AGAP3: variants seen among roughly 807,000 people sequenced by gnomAD.
AGAP3 encodes arf-GAP with GTPase, ANK repeat and PH domain-containing protein 3.
In AGAP3, 24 loss-of-function variants were observed where a neutral mutation model predicts 96.9. The ratio of observed to expected loss-of-function variants is 0.25; its 90% CI spans 0.18 to 0.35. The LOEUF is 0.35. Ranked by LOEUF, AGAP3 falls within the 10% of genes least tolerant of loss-of-function variation. The pLI is 1.00. For missense variants in AGAP3, 876 were observed against 1,254.2 expected, an observed-to-expected ratio of 0.70 and a Z score of 4.55; for synonymous variants, 563 against 536.1, an observed-to-expected ratio of 1.05 and a Z score of -0.69.
Position 151,097,218 on chromosome 7 carries a change from G to A in AGAP3, c.331+10146G>A, listed in dbSNP as rs1281358439. On this transcript the variant is annotated intron_variant, in intron 1 of 17. Coordinates refer to ENST00000397238, the MANE Select transcript of AGAP3 (RefSeq NM_031946.7). ...TATGTTGCTATAAAGAGACACCTGA[G>A]GCTGGATAATTTGTAAAGAAAAGAA... 2.0e-5 allele frequency among the ~76,000 whole-genome samples: 3 copies of A among 152,000 alleles called. No individual in the cohort carries two copies. In the East Asian group the frequency reaches 5.8e-4, roughly 29 times the overall value.
chr7:151,138,117 C>G (rs1202563277), intron 11 of AGAP3, 26 bp from the exon 12 acceptor site: 1 of 1,553,420 alleles, frequency 6.4e-7, no homozygotes, highest in South Asian at 1.2e-5. Flanking sequence ...GGCCTCCCTT[C>G]CCAGTCTGAC....
chr7:151,130,304 G>T (rs565361928), intron 10 of AGAP3, among the ~76,000 whole-genome samples: 1 of 152,276 alleles, frequency 6.6e-6, no homozygotes, highest in East Asian at 1.9e-4. Flanking sequence ...TGGGTTGTGG[G>T]GTTGGGCTGG....
chr7:151,134,361 C>G, intron 10 of AGAP3, 39 bp from the exon 11 acceptor site: 1 of 1,608,494 alleles, frequency 6.2e-7, no homozygotes, highest in Non-Finnish European at 8.5e-7. Context: ...GTGACTGCTG[C>G]TAACCAGTCT....
intron 1 of AGAP3, among the ~76,000 whole-genome samples, chr7:151,111,401 A>G (rs1799279200): frequency 6.6e-6 from 1 of 151,930 alleles, no homozygotes; most frequent in Non-Finnish European, 1.5e-5. Flanking sequence ...AAATCTGCCA[A>G]CTCCCTGTGG....
In AGAP3 at chr7:151,143,739, C is replaced by T. The variant is rs755113887; in HGVS notation, c.2532C>T (p.Tyr844=). ...TCAACATGTGTTTTCTCCTACAGTA[C>T]GGGGTGGACGTGAGGAGCCGGGACG... ...NVVFTQLLIW[Y]GVDVRSRDAR... The change falls in exon 18 of 18, where the codon TAC becomes TAT. Residue 844 remains tyrosine (Y), a splice_region_variant and synonymous_variant. Coordinates refer to ENST00000397238, the MANE Select transcript of AGAP3 (RefSeq NM_031946.7). This position sits in a 1 kb window ranked among gnomAD's most constrained non-coding sequence, Gnocchi z 5.9. 14 of 1,614,050 alleles carry T rather than the reference C, an allele frequency of 8.7e-6. No individual in the cohort carries two copies. The highest frequency in any genetic ancestry group is 2.2e-5 in the East Asian group (1 of 44,902).
rs377443205 is a variant in AGAP3 at position 151,141,857 on chromosome 7, G to A, written c.1805-41G>A. The A allele has an allele frequency of 3.3e-5, 53 of 1,613,182 alleles. No individual in the cohort carries two copies. The highest frequency in any genetic ancestry group is 2.5e-4 in the African/African-American group (19 of 75,012). On this transcript the variant is annotated intron_variant, in intron 13 of 17. Coordinates refer to ENST00000397238, the MANE Select transcript of AGAP3 (RefSeq NM_031946.7). This position sits in a 1 kb window ranked among gnomAD's most constrained non-coding sequence, Gnocchi z 4.2. The stretch of plus-strand genomic sequence containing the variant: ...GCGATAGCATGCCCTGGGTGTGCAC[G>A]CAGGCCAGGAGCCCTGATGGCATAA...
chr7:151,106,380 T>TGGA (rs1277792731), intron 1 of AGAP3, among the ~76,000 whole-genome samples: 1 of 152,176 alleles, frequency 6.6e-6, no homozygotes, highest in African/African-American at 2.4e-5. Context: ...TTGCCTAGGC[T>TGGA]GGAGGATAGT....
chr7:151,142,387 G>A lies in AGAP3; in HGVS notation c.2051-25G>A, dbSNP rs1414563285. The A allele has an allele frequency of 1.2e-6, 2 of 1,607,950 alleles. No homozygotes were observed. The highest frequency in any genetic ancestry group is 1.7e-6 in the Non-Finnish European group (2 of 1,175,336). On this transcript the variant is annotated intron_variant, in intron 15 of 17. Transcript: ENST00000397238. The surrounding 1 kb of genome is among the most constrained non-coding windows in gnomAD (Gnocchi z 7.5). ...CTCTGGTGGCCTGCCTGCTGTCGCTGTATCATTCTCCTCTCCTTGCCTAGA... is the reference window on the plus strand; with the variant it reads ...CTCTGGTGGCCTGCCTGCTGTCGCTATATCATTCTCCTCTCCTTGCCTAGA...
chr7:151,115,698 G>C (rs907588728), intron 1 of AGAP3: 1 of 1,068,770 alleles, frequency 9.4e-7, no homozygotes, highest in Non-Finnish European at 1.1e-6. Context: ...GAGAAAAGCC[G>C]GACGCGCCCA....
chr7:151,122,675 C>T (rs752657020), intron 8 of AGAP3: 48 of 1,609,048 alleles, frequency 3.0e-5, no homozygotes, highest in South Asian at 2.8e-4. Context: ...CCGACTTGTG[C>T]GGGGCTTGAG....
At position 151,143,845 on chromosome 7, in the gene AGAP3, C is replaced by T. The variant is rs775005955; in HGVS notation, c.2638C>T (p.Pro880Ser). ...CADILIQHGC[P>S]GEGCGLAPTP... ...AGACATCTTGATCCAGCATGGCTGC[C>T]CTGGGGAGGGCTGTGGCTTAGCGCC... The change falls in exon 18 of 18, where the codon CCT becomes TCT. Residue 880 changes from proline to serine, a missense_variant. Coordinates refer to ENST00000397238, the MANE Select transcript of AGAP3 (RefSeq NM_031946.7). This position sits in a 1 kb window ranked among gnomAD's most constrained non-coding sequence, Gnocchi z 5.9. 3 of 1,613,984 alleles carry T rather than the reference C, an allele frequency of 1.9e-6. No homozygotes were observed. Among genetic ancestry groups the T allele is most frequent in the Non-Finnish European group, 2.5e-6 (3 of 1,180,018 alleles).
intron 1 of AGAP3, among the ~76,000 whole-genome samples, chr7:151,111,209 G>A (rs1464058302): frequency 3.3e-5 from 5 of 152,154 alleles, no homozygotes; most frequent in South Asian, 2.1e-4. Context: ...CCTCAGCCCC[G>A]GCTGCAGGAA....
In AGAP3 at chr7:151,143,731, C is replaced by G; in HGVS notation, c.2530-6C>G. ...GCCAACTGTCAACATGTGTTTTCTC[C>G]TACAGTACGGGGTGGACGTGAGGAG... On this transcript the variant is annotated splice_polypyrimidine_tract_variant and splice_region_variant and intron_variant, in intron 17 of 17. Coordinates refer to ENST00000397238, the MANE Select transcript of AGAP3 (RefSeq NM_031946.7). The surrounding 1 kb of genome is among the most constrained non-coding windows in gnomAD (Gnocchi z 5.9). 1 of 1,614,178 alleles carries G rather than the reference C, an allele frequency of 6.2e-7. No individual in the cohort carries two copies. Among genetic ancestry groups the G allele is most frequent in the South Asian group, 1.1e-5 (1 of 91,076 alleles).
chr7:151,132,299 G>A (rs1207808455), intron 10 of AGAP3, among the ~76,000 whole-genome samples: 1 of 152,220 alleles, frequency 6.6e-6, no homozygotes, highest in African/African-American at 2.4e-5. Flanking sequence ...GTGGGAGGCT[G>A]CTCACTGATT....
In AGAP3 at chr7:151,128,605, A is replaced by G; in HGVS notation, c.1247A>G (p.Lys416Arg). Reference protein sequence around the residue: ...KQGILLKRSGKSLNKEWKKKY... With the variant: ...KQGILLKRSGRSLNKEWKKKY... ...GGGATCCTGCTAAAGCGGAGCGGCA[A>G]GTCCCTGAACAAGGAGTGGAAGAAG... The change falls in exon 10 of 18, where the codon AAG (lysine) becomes AGG (arginine). Residue 416 changes from lysine (K) to arginine (R), a missense_variant. Lys to Arg is a conservative substitution (Grantham distance 26, BLOSUM62 2). This residue lies in a region of AGAP3 where 63 missense variants were observed against 114.5 expected (regional missense o/e 0.55). Transcript: ENST00000397238. 6 of 1,613,794 alleles carry G rather than the reference A, an allele frequency of 3.7e-6. No individual in the cohort carries two copies. Among genetic ancestry groups the G allele is most frequent in the Non-Finnish European group, 5.1e-6 (6 of 1,179,902 alleles).
Position 151,120,001 on chromosome 7 carries a change from C to A in AGAP3, c.984C>A (p.Gly328=). The A allele has an allele frequency of 1.9e-6, 3 of 1,613,040 alleles. No individual in the cohort carries two copies. Among genetic ancestry groups the A allele is most frequent in the Non-Finnish European group, 1.7e-6 (2 of 1,179,832 alleles). The change falls in exon 8 of 18, where the codon GGC becomes GGA. Residue 328 remains glycine (G), a synonymous_variant. Coordinates refer to ENST00000397238, the MANE Select transcript of AGAP3 (RefSeq NM_031946.7). ...AVHINQATNG[G]GSAFSDYSSS... is the part of the protein sequence containing the mutation. The stretch of plus-strand genomic sequence containing the variant: ...TTTGTCCTTAGGCCACGAATGGCGG[C>A]GGCAGCGCCTTCAGCGACTACTCGT...
At position 151,114,627 on chromosome 7, in the gene AGAP3, G is replaced by A. The variant is rs1319231243; in HGVS notation, c.332-2166G>A. 6 of 795,546 alleles carry A rather than the reference G, an allele frequency of 7.5e-6. No homozygotes were observed. Among genetic ancestry groups the A allele is most frequent in the Middle Eastern group, 6.2e-4 (1 of 1,622 alleles). 49.3% of individuals were successfully genotyped at this position (795,546 alleles called of 1,614,324 possible). ...CTCTCCAGGTCTGGGCTTGCCGGCC[G>A]CGAGGTGGAGGAGTTGAGGGACTCG... On this transcript the variant is annotated intron_variant, in intron 1 of 17. Coordinates refer to ENST00000397238, the MANE Select transcript of AGAP3 (RefSeq NM_031946.7). The surrounding 1 kb of genome is among the most constrained non-coding windows in gnomAD (Gnocchi z 4.4).
chr7:151,124,828 TC>T (rs1388343428), intron 9 of AGAP3, among the ~76,000 whole-genome samples: 1 of 152,062 alleles, frequency 6.6e-6, no homozygotes, highest in Non-Finnish European at 1.5e-5. Context: ...AATGAAGAGT[TC>T]CAAGCAGAGT....
chr7:151,115,390 T>C (rs1799515424), intron 1 of AGAP3: 3 of 1,019,936 alleles, frequency 2.9e-6, no homozygotes. Flanking sequence ...GAGTCAGGGC[T>C]GCTGGCCCGG....
Sources: gnomAD v4.1 joint callset for allele counts (sites outside exome capture counted in the v4.1 genomes callset) on GRCh38, gnomAD v4.1.1 for gene constraint, gnomAD v4.1.1 regional missense constraint, Gnocchi (gnomAD v3.1) non-coding constraint, MANE v1.5 for transcripts, NCBI Gene and HGNC (gene_info 2026-07-23, HGNC 2026-07-21) for gene names.